EXD3: variants seen among roughly 807,000 people sequenced by gnomAD.
The protein encoded by EXD3 is exonuclease 3'-5' domain containing 3.
Under a neutral mutation model 98.0 loss-of-function variants are expected in EXD3, and 92 were observed. That is an observed-to-expected ratio of 0.94 (90% CI 0.79 to 1.12). The LOEUF (loss-of-function observed/expected upper bound fraction) is 1.12. EXD3 is among the 50% of genes most tolerant of loss of function. The probability of loss-of-function intolerance (pLI) is 0.00; values close to 1 mark genes in which losing one functional copy is unlikely to be tolerated. For missense variants in EXD3, 1,222 were observed against 1,191.6 expected (o/e 1.03, Z -0.38); for synonymous variants, 569 against 526.0 (o/e 1.08, Z -1.12).
At chr9:137,321,735 C>T (rs1424915091) in intron 19 of EXD3, among the ~76,000 whole-genome samples, 1 of 152,190 alleles carries the variant, frequency 6.6e-6, no homozygotes, top group South Asian at 2.1e-4. Context: ...CAGCCCCGAC[C>T]TGCTGCTCCA....
At chr9:137,355,775 G>A (rs77851732) in intron 8 of EXD3, among the ~76,000 whole-genome samples, 2,541 of 146,220 alleles carry the variant, frequency 0.017, 69 homozygotes, top group Middle Eastern at 0.042. Context: ...TCAAACTTCC[G>A]GCCAGGTGCC....
rs1181483316 is a variant in EXD3, at chr9:137,347,351, C to G, written c.1998+720G>C. Among the ~76,000 whole-genome samples the G allele has an allele frequency of 1.3e-5, 2 of 152,064 alleles. No homozygotes were observed. Among genetic ancestry groups the G allele is most frequent in the Non-Finnish European group, 2.9e-5 (2 of 68,012 alleles). ...GCTTGTGGCTGTTGGACTGAGGTTT[C>G]CTTGTGCGGCGTCCTCCATCTTCAA... On this transcript the variant is annotated intron_variant, in intron 17 of 21. Coordinates refer to ENST00000340951, the MANE Select transcript of EXD3 (RefSeq NM_017820.5). The surrounding 1 kb of genome is among the most constrained non-coding windows in gnomAD (Gnocchi z 4.2).
intron 1 of EXD3, among the ~76,000 whole-genome samples, chr9:137,400,493 T>C (rs11522295): frequency 0.31 from 46,569 of 152,000 alleles, 7,232 homozygotes; most frequent in East Asian, 0.33. Context: ...GGGCCGGGCA[T>C]GGTGGCTCAT....
intron 16 of EXD3, 111 bp from the exon 17 acceptor site, chr9:137,348,349 T>TTTGAAGAAAGCGTCAGCACCGGCCGCAC: frequency 2.5e-6 from 3 of 1,223,788 alleles, no homozygotes; most frequent in Non-Finnish European, 3.4e-6. Context: ...TGTTTTATCT[T>TTTGAAGAAAGCGTCAGCACCGGCCGCAC]CAAAAGATAA....
chr9:137,407,089 C>T lies in EXD3; in HGVS notation c.-47-11685G>A, dbSNP rs1161486417. Among the ~76,000 whole-genome samples, 5 of 152,144 alleles carry T rather than the reference C, an allele frequency of 3.3e-5. No homozygotes were observed. Among genetic ancestry groups the T allele is most frequent in the African/African-American group, 9.7e-5 (4 of 41,440 alleles). On this transcript the variant is annotated intron_variant, in intron 1 of 21. Transcript: ENST00000340951. This position sits in a 1 kb window ranked among gnomAD's most constrained non-coding sequence, Gnocchi z 4.4. ...TCACAGAGGCACCGGAGCGGGCGGG[C>T]GGGGGCGGCCTGCGGAGCAGCCAGT...
intron 1 of EXD3, among the ~76,000 whole-genome samples, chr9:137,411,662 G>C (rs1178265372): frequency 6.8e-6 from 1 of 147,282 alleles, no homozygotes; most frequent in East Asian, 2.1e-4. Context: ...CCAGCCCCGG[G>C]ACCTGGAAAA....
chr9:137,320,601 G>A (rs1831980346), intron 19 of EXD3, among the ~76,000 whole-genome samples: 1 of 152,130 alleles, frequency 6.6e-6, no homozygotes, highest in Non-Finnish European at 1.5e-5. Context: ...GGCGGACATG[G>A]GTCAGGGCGG....
At chr9:137,415,535 G>A (rs1374168929) in intron 1 of EXD3, among the ~76,000 whole-genome samples, 1 of 152,160 alleles carries the variant, frequency 6.6e-6, no homozygotes, top group African/African-American at 2.4e-5. Flanking sequence ...TCACCGTGTT[G>A]GTTTTAGCTC....
intron 17 of EXD3, among the ~76,000 whole-genome samples, chr9:137,331,733 T>A (rs1833071975): frequency 1.3e-5 from 2 of 152,058 alleles, no homozygotes; most frequent in African/African-American, 4.8e-5. Context: ...CTGGATAACA[T>A]GGTGAAACCC....
chr9:137,307,159 C>T lies in EXD3; in HGVS notation c.2422G>A (p.Gly808Ser), dbSNP rs540192818. Residue 808 changes from glycine to serine, a missense_variant, in exon 22 of 22, where the codon GGC becomes AGC. By Grantham distance (56) the Gly-to-Ser change is moderately conservative (BLOSUM62 0). Coordinates refer to ENST00000340951, the MANE Select transcript of EXD3 (RefSeq NM_017820.5). ...RAETPDMLAD[G>S]TRLQLAGVPV... is the part of the protein sequence containing the mutation. Reference sequence around the variant, plus strand: ...ACCCCTGCCAGCTGCAGCCGGGTGCCGTCGGCCAGCATGTCCGGTGTCTCC... The same window carrying T: ...ACCCCTGCCAGCTGCAGCCGGGTGCTGTCGGCCAGCATGTCCGGTGTCTCC... The T allele has an allele frequency of 1.4e-4, 225 of 1,590,194 alleles. No homozygotes were observed. The highest frequency in any genetic ancestry group is 5.9e-4 in the Admixed American group (33 of 55,840).
At chr9:137,311,161 G>A (rs1191188014) in intron 19 of EXD3, among the ~76,000 whole-genome samples, 2 of 152,210 alleles carry the variant, frequency 1.3e-5, no homozygotes, top group East Asian at 3.9e-4. Flanking sequence ...AGGACGCCAG[G>A]CTGGGCTAGG....
intron 6 of EXD3, 44 bp from the exon 7 acceptor site, chr9:137,366,676 G>C: frequency 6.5e-7 from 1 of 1,530,278 alleles, no homozygotes; most frequent in African/African-American, 1.4e-5. Flanking sequence ...CGCCACCTCA[G>C]CCAAAACCTG....
rs372386880 is a variant in EXD3, at chr9:137,334,510, CT to C, written c.1999-10368del. 4.7e-3 allele frequency among the ~76,000 whole-genome samples: 717 copies of C among 152,094 alleles called. 8 individuals are homozygous for C. Among genetic ancestry groups the C allele is most frequent in the African/African-American group, 0.016 (681 of 41,476 alleles). ...AAGACACCCTATCTAGTAAGTGGTG[CT>C]GGGAAAACTGGCTAGCCACATGTAG... On this transcript the variant is annotated intron_variant, in intron 17 of 21. Coordinates refer to ENST00000340951, the MANE Select transcript of EXD3 (RefSeq NM_017820.5).
rs1214122885 is a variant in EXD3 at position 137,407,323 on chromosome 9, T to C, written c.-47-11919A>G. On this transcript the variant is annotated intron_variant, in intron 1 of 21. Transcript: ENST00000340951. The surrounding 1 kb of genome is among the most constrained non-coding windows in gnomAD (Gnocchi z 4.4). ...GCCGCGGCGAACACGGGGCGGCCCC[T>C]CCACCTCTGTCCGCCTGCCCTAAAT... Among the ~76,000 whole-genome samples, 1 of 152,104 alleles carries C rather than the reference T, an allele frequency of 6.6e-6. No homozygotes were observed. The highest frequency in any genetic ancestry group is 1.5e-5 in the Non-Finnish European group (1 of 68,000).
chr9:137,387,904 G>A (rs771191529), intron 2 of EXD3, among the ~76,000 whole-genome samples: 3 of 152,210 alleles, frequency 2.0e-5, no homozygotes, highest in Non-Finnish European at 2.9e-5. Context: ...AATTCGCCAA[G>A]TTCATCAGTG....
chr9:137,355,708 G>GTA (rs1371673737), intron 8 of EXD3, among the ~76,000 whole-genome samples: 7 of 140,708 alleles, frequency 5.0e-5, no homozygotes, highest in African/African-American at 1.7e-4. Context: ...GAAGGAGGAA[G>GTA]GAGGAAGGAG....
chr9:137,419,283 A>C (rs1838392687), intron 1 of EXD3, among the ~76,000 whole-genome samples: 1 of 152,232 alleles, frequency 6.6e-6, no homozygotes, highest in South Asian at 2.1e-4. Flanking sequence ...CTCAGAAGTA[A>C]CCAAATTCCC....
At chr9:137,374,599 G>A in intron 3 of EXD3, 2 of 985,494 alleles carry the variant, frequency 2.0e-6, no homozygotes, top group South Asian at 4.7e-5. Context: ...GAACAGCCGT[G>A]GAGCACACGC....
rs118030525 is a variant in EXD3 at position 137,348,192 on chromosome 9, G to A, written c.1877C>T (p.Pro626Leu). The change falls in exon 17 of 22, where the codon CCG becomes CTG. Residue 626 changes from proline (P) to leucine (L), a missense_variant. Transcript: ENST00000340951. ...ACACACCACACGGAAGGCCCTGGCC[G>A]GAATCTGAGGGGCAGCGCCCTCAGA... ...AVSEGAAPQI[P>L]ARAFRVVCDN... The A allele has an allele frequency of 2.3e-3, 3,773 of 1,611,760 alleles. 92 individuals carry two copies. The East Asian group carries it at 0.049, about 21-fold the overall frequency.
Sources: allele counts gnomAD v4.1 joint callset (sites outside exome capture counted in the v4.1 genomes callset), GRCh38; gene constraint gnomAD v4.1.1; non-coding constraint Gnocchi (gnomAD v3.1); transcripts MANE v1.5; gene names NCBI Gene and HGNC (gene_info 2026-07-23, HGNC 2026-07-21).